RGS5: variants seen among roughly 807,000 people sequenced by gnomAD.
RGS5 encodes regulator of G-protein signalling 5.
Under a neutral mutation model 18.9 loss-of-function variants are expected in RGS5, and 20 were observed. The observed-to-expected ratio is 1.06, with a 90% CI of 0.74 to 1.54. The LOEUF (loss-of-function observed/expected upper bound fraction) is 1.54, where lower values mean the gene tolerates loss of function less well. RGS5 is among the 40% of genes most tolerant of loss of function. The pLI, the probability that RGS5 is intolerant of heterozygous loss-of-function variation, is 0.00. For synonymous variants in RGS5, 57 were observed against 76.2 expected, an observed-to-expected ratio of 0.75 and a Z score of 1.31; for missense variants, 201 against 211.8, an observed-to-expected ratio of 0.95 and a Z score of 0.32.
At chr1:163,177,058 C>T (rs993928694) in intron 1 of RGS5, among the ~76,000 whole-genome samples, 2 of 152,148 alleles carry the variant, frequency 1.3e-5, no homozygotes, top group East Asian at 1.9e-4. Flanking sequence ...TAGCAGGACG[C>T]GTGCTAGAAG....
At chr1:163,220,871 C>T (rs1164760702), upstream of RGS5, among the ~76,000 whole-genome samples, 5 of 151,954 alleles carry the variant, frequency 3.3e-5, no homozygotes, top group African/African-American at 1.2e-4. Context: ...TGGAGTGGTG[C>T]AAGGAAGGGG....
At chr1:163,320,860 T>C (rs539550804) in intron 1 of RGS5, among the ~76,000 whole-genome samples, 1 of 152,188 alleles carries the variant, frequency 6.6e-6, no homozygotes, top group African/African-American at 2.4e-5. Flanking sequence ...GGAATTTGTG[T>C]CTACATTCAA....
intron 2 of RGS5, among the ~76,000 whole-genome samples, chr1:163,291,131 TA>T (rs147710607): frequency 2.0e-3 from 288 of 146,072 alleles, no homozygotes; most frequent in South Asian, 2.4e-3. Context: ...GCCCACTTAT[TA>T]AAAAAAAAAA....
At chr1:163,181,820 A>G (rs1658859062) in intron 1 of RGS5, among the ~76,000 whole-genome samples, 2 of 152,162 alleles carry the variant, frequency 1.3e-5, no homozygotes, top group South Asian at 2.1e-4. Flanking sequence ...GACATAGATG[A>G]TAAGACCACA....
At position 163,222,794 on chromosome 1, in the gene RGS5, C is replaced by T. The variant is rs183126188; in HGVS notation, c.-280-54426G>A. On this transcript the variant is annotated intron_variant, in intron 2 of 5. Coordinates refer to the RGS5 transcript ENST00000618415. ...TGACCGAAGTCAGGTTTCCGGCCAACAGAACTGTAGTTTTTCCTGTTATGT... is the reference window on the plus strand; with the variant it reads ...TGACCGAAGTCAGGTTTCCGGCCAATAGAACTGTAGTTTTTCCTGTTATGT... Among the ~76,000 whole-genome samples the T allele has an allele frequency of 2.6e-5, 4 of 152,246 alleles. No individual in the cohort carries two copies. The South Asian group carries it at 6.2e-4, about 24-fold the overall frequency.
intron 2 of RGS5, among the ~76,000 whole-genome samples, chr1:163,277,366 G>A (rs1049710767): frequency 3.9e-5 from 6 of 152,188 alleles, no homozygotes; most frequent in Non-Finnish European, 2.9e-5. Flanking sequence ...CCTGAAGGCT[G>A]TGTCACAAGT....
At chr1:163,284,341 T>C (rs1203341547) in intron 2 of RGS5, among the ~76,000 whole-genome samples, 1 of 152,202 alleles carries the variant, frequency 6.6e-6, no homozygotes, top group Non-Finnish European at 1.5e-5. Flanking sequence ...TAGCTATCTA[T>C]TCATGCTCAT....
rs1647869496 is a variant in RGS5, at chr1:163,244,078, GA to G, written c.-281+62154del. Among the ~76,000 whole-genome samples, 7 of 152,308 alleles carry G rather than the reference GA, an allele frequency of 4.6e-5. No individual in the cohort carries two copies. The South Asian group carries it at 1.5e-3, about 32-fold the overall frequency. ...CCTATTGTATGCACACAATAGCTGAGAGCTAACATTTCTACTATTGCCTTTT... is the reference window on the plus strand; with the variant it reads ...CCTATTGTATGCACACAATAGCTGAGGCTAACATTTCTACTATTGCCTTTT... On this transcript the variant is annotated intron_variant, in intron 2 of 5. Transcript: ENST00000618415.
chr1:163,306,640 G>T (rs1649707976), intron 1 of RGS5, among the ~76,000 whole-genome samples: 1 of 152,080 alleles, frequency 6.6e-6, no homozygotes, highest in Non-Finnish European at 1.5e-5. Flanking sequence ...TTGTAAATAG[G>T]GTCTTTGTAA....
Position 163,319,632 on chromosome 1 carries a change from G to C in RGS5, c.-378+1990C>G, listed in dbSNP as rs148714947. 2.7e-3 allele frequency among the ~76,000 whole-genome samples: 417 copies of C among 152,324 alleles called. 1 individual carries two copies. Among genetic ancestry groups the C allele is most frequent in the Non-Finnish European group, 4.6e-3 (314 of 68,024 alleles). On this transcript the variant is annotated intron_variant, in intron 1 of 5. Coordinates refer to the RGS5 transcript ENST00000618415. ...ATTTATAGACAAGATGCACGGATAAGATTTTGACAGGCACCTGGGTCAGAG... is the reference window on the plus strand; with the variant it reads ...ATTTATAGACAAGATGCACGGATAACATTTTGACAGGCACCTGGGTCAGAG...
rs76667378 is a variant in RGS5 at position 163,307,408 on chromosome 1, C to T, written c.-377-1079G>A. Among the ~76,000 whole-genome samples the T allele has an allele frequency of 4.2e-3, 626 of 149,362 alleles. 3 individuals carry two copies. The highest frequency in any genetic ancestry group is 0.014 in the African/African-American group (579 of 40,804). On this transcript the variant is annotated intron_variant, in intron 1 of 5. Transcript: ENST00000618415. ...TTTATGTGTGACATGAAAGTGAGAA[C>T]TTTTTTTTTTAACAGAAAGGAAATA...
At chr1:163,310,660 G>A (rs980344972) in intron 1 of RGS5, among the ~76,000 whole-genome samples, 9 of 151,318 alleles carry the variant, frequency 5.9e-5, no homozygotes, top group South Asian at 4.2e-4. Context: ...GTTGTTTAGC[G>A]TAGTCACTTT....
chr1:163,179,853 A>G (rs1307140087), intron 1 of RGS5, among the ~76,000 whole-genome samples: 2 of 152,182 alleles, frequency 1.3e-5, no homozygotes, highest in Non-Finnish European at 2.9e-5. Flanking sequence ...GAATGGCACC[A>G]TGTATTCCTT....
At chr1:163,230,461 TG>T (rs1647450007) in intron 2 of RGS5, among the ~76,000 whole-genome samples, 1 of 142,786 alleles carries the variant, frequency 7.0e-6, no homozygotes, top group African/African-American at 2.4e-5. Context: ...TTACCTTAGT[TG>T]TAAGATACTA....
At chr1:163,160,183 A>G (rs1414197905) in intron 3 of RGS5, among the ~76,000 whole-genome samples, 4 of 152,178 alleles carry the variant, frequency 2.6e-5, no homozygotes, top group African/African-American at 9.6e-5. Context: ...AGGATTATAT[A>G]TGGGCACATA....
rs558656289 is a variant in RGS5 at position 163,249,555 on chromosome 1, C to T, written c.-281+56678G>A. Among the ~76,000 whole-genome samples the T allele has an allele frequency of 2.6e-5, 4 of 152,358 alleles. No homozygotes were observed. In the South Asian group the frequency reaches 8.3e-4, roughly 32 times the overall value. On this transcript the variant is annotated intron_variant, in intron 2 of 5. Coordinates refer to the RGS5 transcript ENST00000618415. The stretch of plus-strand genomic sequence containing the variant: ...CCTATAATCCCAGCACTTTGGGAGG[C>T]CAAGGCGAGCGGATCACCTGAGGTC...
At position 163,164,925 on chromosome 1, in the gene RGS5, GGAAAA is replaced by G. The variant is rs371225708; in HGVS notation, c.156-2954_156-2950del. ...TCTTACACATTGGTGCTCTTAACAA[GGAAAA>G]GAAAATTCAAGTTATTTACTGTCAA... On this transcript the variant is annotated intron_variant, in intron 2 of 4. Coordinates refer to ENST00000313961, the MANE Select transcript of RGS5 (RefSeq NM_003617.4). 2.6e-5 allele frequency among the ~76,000 whole-genome samples: 4 copies of G among 152,266 alleles called. No homozygotes were observed. The East Asian group carries it at 7.7e-4, about 29-fold the overall frequency.
At chr1:163,232,819 A>G (rs1047165451) in intron 2 of RGS5, among the ~76,000 whole-genome samples, 1 of 152,356 alleles carries the variant, frequency 6.6e-6, no homozygotes, top group African/African-American at 2.4e-5. Context: ...TAGATGGAGA[A>G]AATAAGAATA....
chr1:163,153,424 A>G (rs1208130104), intron 3 of RGS5, among the ~76,000 whole-genome samples: 2 of 152,160 alleles, frequency 1.3e-5, no homozygotes, highest in Non-Finnish European at 2.9e-5. Context: ...AAGGCAAGGA[A>G]GTAACATTCA....
Sources: gnomAD v4.1 joint callset for allele counts (sites outside exome capture counted in the v4.1 genomes callset) on GRCh38, gnomAD v4.1.1 for gene constraint, MANE v1.5 for transcripts, NCBI Gene and HGNC (gene_info 2026-07-23, HGNC 2026-07-21) for gene names.